The following FLOT2 variants were observed in gnomAD, a reference collection of about 807,000 sequenced individuals.
The protein encoded by FLOT2 is flotillin 2, also known as flotillin-2.
In FLOT2, 35 loss-of-function variants were observed where a neutral mutation model predicts 54.9. The observed-to-expected ratio is 0.64, with a 90% CI of 0.49 to 0.84. The LOEUF is 0.84. Ranked by LOEUF, FLOT2 falls within the 40% of genes least tolerant of loss-of-function variation. The pLI is 0.00. For synonymous variants in FLOT2, 207 were observed against 228.9 expected, an observed-to-expected ratio of 0.90 and a Z score of 0.86; for missense variants, 464 against 572.1, an observed-to-expected ratio of 0.81 and a Z score of 1.93.
In FLOT2 at chr17:28,884,163, C is replaced by G. The variant is rs574722327; in HGVS notation, c.222+62G>C. Reference sequence around the variant, plus strand: ...GGCTGCTGTCCTCTCCTCCTCCCCCCGAACCCGAGTACGGGACCAGGCAGC... The same window carrying G: ...GGCTGCTGTCCTCTCCTCCTCCCCCGGAACCCGAGTACGGGACCAGGCAGC... On this transcript the variant is annotated intron_variant, in intron 3 of 10. Transcript: ENST00000394908. The surrounding 1 kb of genome is among the most constrained non-coding windows in gnomAD (Gnocchi z 5.1). The G allele has an allele frequency of 3.1e-6, 4 of 1,281,262 alleles. No individual in the cohort carries two copies. The highest frequency in any genetic ancestry group is 2.4e-5 in the South Asian group (2 of 84,522). The allele number at this position is 1,281,262 out of a possible 1,614,324, so 79.4% of individuals were successfully genotyped here. A position where few individuals can be genotyped will look rare whatever the true frequency, so the allele number is the denominator to read the frequency against.
intron 1 of FLOT2, among the ~76,000 whole-genome samples, chr17:28,893,540 CA>C (rs1232719586): frequency 6.6e-6 from 1 of 151,864 alleles, no homozygotes; most frequent in Non-Finnish European, 1.5e-5. Context: ...GCCTTCCATA[CA>C]TCGCAATGCC....
At position 28,882,697 on chromosome 17, in the gene FLOT2, G is replaced by C. The variant is rs1468925828; in HGVS notation, c.347-6C>G. The stretch of plus-strand genomic sequence containing the variant: ...CTGCTCCACTGTCAGGGTCCCTGGG[G>C]GCAGAGGGATCAAGGGCTGGCTCCC... On this transcript the variant is annotated splice_polypyrimidine_tract_variant and splice_region_variant and intron_variant, in intron 4 of 10. Coordinates refer to ENST00000394908, the MANE Select transcript of FLOT2 (RefSeq NM_004475.3). The surrounding 1 kb of genome is among the most constrained non-coding windows in gnomAD (Gnocchi z 5.6). 2 of 1,597,572 alleles carry C rather than the reference G, an allele frequency of 1.3e-6. No individual in the cohort carries two copies. Among genetic ancestry groups the C allele is most frequent in the Non-Finnish European group, 1.7e-6 (2 of 1,165,558 alleles).
intron 1 of FLOT2, among the ~76,000 whole-genome samples, chr17:28,894,316 G>A (rs1180501109): frequency 1.3e-5 from 2 of 151,476 alleles, no homozygotes; most frequent in Admixed American, 1.3e-4. Context: ...GGGAGACCCT[G>A]TCTCTACAAA....
chr17:28,881,480 G>A (rs558929420), intron 8 of FLOT2, 105 bp from the exon 9 acceptor site: 14 of 1,206,494 alleles, frequency 1.2e-5, no homozygotes, highest in East Asian at 7.0e-5. Context: ...GGGGGCTGTC[G>A]GGGTGGGAGA....
chr17:28,881,281 C>T lies in FLOT2; in HGVS notation c.1009G>A (p.Glu337Lys), dbSNP rs751666905. 3 of 1,614,154 alleles carry T rather than the reference C, an allele frequency of 1.9e-6. No individual in the cohort carries two copies. Among genetic ancestry groups the T allele is most frequent in the Non-Finnish European group, 2.5e-6 (3 of 1,180,006 alleles). ...AAVIEAMGKA[E>K]AERMKLKAEA... Reference sequence around the variant, plus strand: ...GCCTTGAGCTTCATCCGCTCAGCCTCTGCCTTGCCCATCGCCTCGATGACT... The same window carrying T: ...GCCTTGAGCTTCATCCGCTCAGCCTTTGCCTTGCCCATCGCCTCGATGACT... The change falls in exon 9 of 11, where the codon GAG becomes AAG. Residue 337 changes from glutamate (E) to lysine (K), a missense_variant. Glu to Lys is a moderately conservative substitution (Grantham distance 56, BLOSUM62 1). Coordinates refer to ENST00000394908, the MANE Select transcript of FLOT2 (RefSeq NM_004475.3).
intron 2 of FLOT2, among the ~76,000 whole-genome samples, chr17:28,887,070 G>A (rs1400062673): frequency 2.0e-5 from 3 of 152,118 alleles, no homozygotes; most frequent in Non-Finnish European, 4.4e-5. Context: ...CTGCAGCTCA[G>A]ATGCCAAAGG....
In FLOT2 at chr17:28,884,479, C is replaced by T. The variant is rs752000785; in HGVS notation, c.132-164G>A. On this transcript the variant is annotated intron_variant, in intron 2 of 10. Transcript: ENST00000394908. The surrounding 1 kb of genome is among the most constrained non-coding windows in gnomAD (Gnocchi z 5.1). Reference sequence around the variant, plus strand: ...GGAGTGTCTGAGAAGGAGGTGGGCACGAGGGCAGGGTGGGTGCAGGTGGCC... The same window carrying T: ...GGAGTGTCTGAGAAGGAGGTGGGCATGAGGGCAGGGTGGGTGCAGGTGGCC... Among the ~76,000 whole-genome samples, 10 of 151,944 alleles carry T rather than the reference C, an allele frequency of 6.6e-5. No individual in the cohort carries two copies. The highest frequency in any genetic ancestry group is 9.7e-5 in the African/African-American group (4 of 41,342).
At chr17:28,881,666 A>C (rs1260986220) in intron 8 of FLOT2, 148 bp downstream of exon 8, 2 of 740,990 alleles carry the variant, frequency 2.7e-6, no homozygotes, top group Non-Finnish European at 4.4e-6. Flanking sequence ...CACAGGGGAC[A>C]TGGGGTTATC....
intron 2 of FLOT2, chr17:28,886,066 G>GGA (rs1555599346): frequency 8.5e-6 from 5 of 588,920 alleles, no homozygotes; most frequent in South Asian, 3.2e-5. Flanking sequence ...GGCGGGGGGG[G>GGA]GCATGCTGTC....
In FLOT2 at chr17:28,883,109, G is replaced by A. The variant is rs778746261; in HGVS notation, c.345C>T (p.Leu115=). 7 of 1,613,946 alleles carry A rather than the reference G, an allele frequency of 4.3e-6. No individual in the cohort carries two copies. The East Asian group carries it at 1.1e-4, about 26-fold the overall frequency. The change falls in exon 4 of 11, where the codon CTC becomes CTT. Residue 115 remains leucine (L), a splice_region_variant and synonymous_variant. Coordinates refer to ENST00000394908, the MANE Select transcript of FLOT2 (RefSeq NM_004475.3). This position sits in a 1 kb window ranked among gnomAD's most constrained non-coding sequence, Gnocchi z 5.0. ...QTLEGHLRSI[L]GTLTVEQIYQ... ...CTCAAAGGCTGAACAGGGCCTCACCGAGGATGGAGCGCAGATGTCCCTCCA... is the reference window on the plus strand; with the variant it reads ...CTCAAAGGCTGAACAGGGCCTCACCAAGGATGGAGCGCAGATGTCCCTCCA...
At chr17:28,887,642 G>A (rs1256766808) in intron 2 of FLOT2, among the ~76,000 whole-genome samples, 2 of 152,242 alleles carry the variant, frequency 1.3e-5, no homozygotes, top group Non-Finnish European at 2.9e-5. Context: ...GGCTGCCCAC[G>A]CAGGGCAGGT....
At chr17:28,893,171 G>A (rs2039681870) in intron 1 of FLOT2, 2 of 152,242 alleles carry the variant, frequency 1.3e-5, no homozygotes, top group African/African-American at 2.4e-5. Flanking sequence ...AGGCCAGTTA[G>A]GTGCCTCTTC....
intron 1 of FLOT2, among the ~76,000 whole-genome samples, chr17:28,895,452 G>A (rs1477289963): frequency 2.0e-5 from 3 of 151,744 alleles, no homozygotes; most frequent in Admixed American, 1.3e-4. Context: ...TAACAGAAAC[G>A]GGATTTCACC....
chr17:28,888,869 T>A (rs1299106938), intron 2 of FLOT2, 76 bp downstream of exon 2: 1 of 999,048 alleles, frequency 1.0e-6, no homozygotes, highest in Non-Finnish European at 1.4e-6. Context: ...ACCCTCAGAG[T>A]GAAGCAGAAC....
chr17:28,880,264 A>T lies in FLOT2; in HGVS notation c.*297T>A, dbSNP rs2039423889. On this transcript the variant is annotated 3_prime_UTR_variant, in exon 11 of 11. Coordinates refer to ENST00000394908, the MANE Select transcript of FLOT2 (RefSeq NM_004475.3). ...TGATTGTAATAAACATCTTCAGCTT[A>T]ATCTACATGATGTGCATGGGGGAAA... 7.8e-7 allele frequency: 1 copy of T among 1,285,274 alleles called. No individual in the cohort carries two copies. The highest frequency in any genetic ancestry group is 9.9e-7 in the Non-Finnish European group (1 of 1,012,210). 79.6% of individuals were successfully genotyped at this position (1,285,274 alleles called of 1,614,324 possible). A position where few individuals can be genotyped will look rare whatever the true frequency, so the allele number is the denominator to read the frequency against.
In FLOT2 at chr17:28,897,636, C is replaced by A; in HGVS notation, c.-62G>T. 7.3e-7 allele frequency: 1 copy of A among 1,370,942 alleles called. No individual in the cohort carries two copies. 84.9% of individuals were successfully genotyped at this position (1,370,942 alleles called of 1,614,324 possible). ...GACCCGGACAACAGCAGCGGGTCTG[C>A]AGCGCCGGCCGCGCCCAGCCTATCC... On this transcript the variant is annotated 5_prime_UTR_variant, in exon 1 of 11. Transcript: ENST00000394908. This position sits in a 1 kb window ranked among gnomAD's most constrained non-coding sequence, Gnocchi z 4.4.
In FLOT2 at chr17:28,883,843, C is replaced by A. The variant is rs1003665692; in HGVS notation, c.222+382G>T. On this transcript the variant is annotated intron_variant, in intron 3 of 10. Coordinates refer to ENST00000394908, the MANE Select transcript of FLOT2 (RefSeq NM_004475.3). This position sits in a 1 kb window ranked among gnomAD's most constrained non-coding sequence, Gnocchi z 5.0. ...CAGAGTCCAGAGCTCCTCTGCCTCA[C>A]ATGGCCTCTCCCTCTGGGCCCCACC... is the stretch of plus-strand genomic sequence containing the variant. Among the ~76,000 whole-genome samples the A allele has an allele frequency of 3.3e-5, 5 of 151,982 alleles. No individual in the cohort carries two copies. Among genetic ancestry groups the A allele is most frequent in the African/African-American group, 1.2e-4 (5 of 41,382 alleles).
rs1436139559 is a variant in FLOT2 at position 28,897,539 on chromosome 17, C to T, written c.36G>A (p.Ala12=). Residue 12 remains alanine, a synonymous_variant, in exon 1 of 11, where the codon GCG becomes GCA. Coordinates refer to ENST00000394908, the MANE Select transcript of FLOT2 (RefSeq NM_004475.3). This position sits in a 1 kb window ranked among gnomAD's most constrained non-coding sequence, Gnocchi z 4.4. The part of the protein sequence containing the change: ...GNCHTVGPNE[A]LVVSGGCCGS... ...CCGCCCCCTCACCTGAAACCACCAG[C>T]GCCTCGTTGGGCCCCACCGTGTGGC... 3.1e-6 allele frequency: 5 copies of T among 1,606,250 alleles called. 1 individual carries two copies. The South Asian group carries it at 4.4e-5, about 14-fold the overall frequency.
chr17:28,880,398 GGAGAGACA>G lies in FLOT2; in HGVS notation c.*155_*162del. ...AGGAAGAGGAGGAGGTGGACAGACA[GGAGAGACA>G]GGAAGACAGCCAGAGATGGCCTGAA... is the stretch of plus-strand genomic sequence containing the variant. On this transcript the variant is annotated 3_prime_UTR_variant, in exon 11 of 11. Coordinates refer to ENST00000394908, the MANE Select transcript of FLOT2 (RefSeq NM_004475.3). The G allele has an allele frequency of 6.7e-7, 1 of 1,485,680 alleles. No homozygotes were observed. Among genetic ancestry groups the G allele is most frequent in the East Asian group, 2.4e-5 (1 of 42,550 alleles). 92.0% of individuals were successfully genotyped at this position (1,485,680 alleles called of 1,614,324 possible). A position where few individuals can be genotyped will look rare whatever the true frequency, so the allele number is the denominator to read the frequency against.
Sources: gnomAD v4.1 joint callset for allele counts (sites outside exome capture counted in the v4.1 genomes callset) on GRCh38, gnomAD v4.1.1 for gene constraint, Gnocchi (gnomAD v3.1) non-coding constraint, MANE v1.5 for transcripts, NCBI Gene and HGNC (gene_info 2026-07-23, HGNC 2026-07-21) for gene names.